Variants in SH3BP1 observed in about 807,000 individuals in gnomAD.
SH3BP1 encodes SH3 domain binding protein 1, also known as SH3 domain-binding protein 1.
In SH3BP1, 46 loss-of-function variants were observed where a neutral mutation model predicts 69.8. The observed-to-expected ratio is 0.66, with a 90% CI of 0.52 to 0.84. The LOEUF (loss-of-function observed/expected upper bound fraction) is 0.84. SH3BP1 is among the 40% of genes least tolerant of loss of function. The pLI is 0.00. For missense variants in SH3BP1, 868 were observed against 930.9 expected, an observed-to-expected ratio of 0.93 and a Z score of 0.88; for synonymous variants, 403 against 378.0, an observed-to-expected ratio of 1.07 and a Z score of -0.77.
At position 37,655,486 on chromosome 22, in the gene SH3BP1, G is replaced by A; in HGVS notation, c.1908G>A (p.Arg636=). 2.0e-6 allele frequency: 3 copies of A among 1,510,824 alleles called. No individual in the cohort carries two copies. The highest frequency in any genetic ancestry group is 1.8e-6 in the Non-Finnish European group (2 of 1,122,304). 93.6% of individuals were successfully genotyped at this position (1,510,824 alleles called of 1,614,324 possible). A position where few individuals can be genotyped will look rare whatever the true frequency, so the allele number is the denominator to read the frequency against. ...TPPQPARRQS[R]RSPASPSPAS... is the part of the protein sequence containing the mutation. The stretch of plus-strand genomic sequence containing the variant: ...CTCAGCCTGCCCGGCGCCAAAGCCG[G>A]CGTTCACCAGCCTCCCCCAGCCCGG... Residue 636 remains arginine, a synonymous_variant, in exon 18 of 18, where the codon CGG becomes CGA. Transcript: ENST00000649765.
intron 16 of SH3BP1, among the ~76,000 whole-genome samples, chr22:37,651,036 G>T (rs1393049393): frequency 2.0e-5 from 3 of 151,698 alleles, no homozygotes; most frequent in African/African-American, 4.8e-5. Flanking sequence ...TTCCAGTTTT[G>T]TTTTGTTTTT....
intron 1 of SH3BP1, among the ~76,000 whole-genome samples, chr22:37,640,094 C>G (rs954622567): frequency 6.6e-6 from 1 of 152,152 alleles, no homozygotes; most frequent in African/African-American, 2.4e-5. Context: ...GGGCTTCAGG[C>G]GGGAGAATGC....
chr22:37,650,899 T>G, intron 16 of SH3BP1, 174 bp downstream of exon 16: 1 of 795,642 alleles, frequency 1.3e-6, no homozygotes, highest in East Asian at 2.8e-5. Flanking sequence ...AGAGGCGGAA[T>G]TTGTCTCAGC....
At chr22:37,649,550 G>A (rs537016626) in intron 14 of SH3BP1, among the ~76,000 whole-genome samples, 202 of 152,192 alleles carry the variant, frequency 1.3e-3, no homozygotes, top group African/African-American at 4.4e-3. Context: ...TTGGGAGGCC[G>A]AGGTGGGTGG....
At chr22:37,642,644 C>G (rs1480607685) in intron 4 of SH3BP1, 29 bp downstream of exon 4, 2 of 1,612,904 alleles carry the variant, frequency 1.2e-6, no homozygotes, top group African/African-American at 1.3e-5. Flanking sequence ...CAGCCCTCAC[C>G]TGGGGATACC....
intron 10 of SH3BP1, among the ~76,000 whole-genome samples, chr22:37,646,173 G>A (rs1485510709): frequency 1.3e-4 from 19 of 151,764 alleles, no homozygotes; most frequent in Admixed American, 1.1e-3. Context: ...ATGTTGGCCA[G>A]GCTAGTCCTG....
Position 37,643,076 on chromosome 22 carries a change from A to AC in SH3BP1, c.397-15dup, listed in dbSNP as rs563200835. The stretch of plus-strand genomic sequence containing the variant: ...GGCTCCCTCCTCCCCCAGCACACTG[A>AC]CCCCCCCATGCCCATCCCCAGGAGG... On this transcript the variant is annotated intron_variant, in intron 5 of 17. Coordinates refer to ENST00000649765, the MANE Select transcript of SH3BP1 (RefSeq NM_018957.6). 214 of 1,435,990 alleles carry AC rather than the reference A, an allele frequency of 1.5e-4. 1 individual carries two copies. The highest frequency in any genetic ancestry group is 6.4e-4 in the South Asian group (56 of 87,042). 89.0% of individuals were successfully genotyped at this position (1,435,990 alleles called of 1,614,324 possible). A position where few individuals can be genotyped will look rare whatever the true frequency, so the allele number is the denominator to read the frequency against.
chr22:37,643,257 C>A, intron 6 of SH3BP1, 83 bp downstream of exon 6: 5 of 1,208,766 alleles, frequency 4.1e-6, no homozygotes, highest in Non-Finnish European at 6.0e-6. Flanking sequence ...CTGGCCACAC[C>A]AGGAGGATGC....
At chr22:37,644,834 C>T in intron 8 of SH3BP1, 36 bp from the exon 9 acceptor site, 1 of 1,611,496 alleles carries the variant, frequency 6.2e-7, no homozygotes. Context: ...CTCAGCTTCC[C>T]CCACTTCCGC....
intron 2 of SH3BP1, 40 bp from the exon 3 acceptor site, chr22:37,641,334 C>CA (rs1280697184): frequency 7.1e-6 from 11 of 1,543,814 alleles, no homozygotes; most frequent in Non-Finnish European, 9.6e-6. Context: ...CAGGGGGAGA[C>CA]AGCCTCTCTT....
chr22:37,648,778 AC>A (rs1221391539), intron 14 of SH3BP1: 1 of 193,096 alleles, frequency 5.2e-6, no homozygotes, highest in African/African-American at 2.5e-5. Context: ...ATCTCGGCTC[AC>A]TGCAACCTCC....
chr22:37,642,075 T>A, intron 3 of SH3BP1: 1 of 180,652 alleles, frequency 5.5e-6, no homozygotes, highest in Non-Finnish European at 1.2e-5. Flanking sequence ...GGGGTGGGAG[T>A]GTGGGGCCAT....
In SH3BP1 at chr22:37,641,394, G is replaced by A. The variant is rs74643192; in HGVS notation, c.123G>A (p.Pro41=). 4.3e-4 allele frequency: 668 copies of A among 1,550,866 alleles called. 6 individuals carry two copies. In the East Asian group the frequency reaches 0.01, roughly 24 times the overall value. The part of the protein sequence containing the change: ...DLLQVEQRLE[P]AKRAAHNIHK... ...CCCAGGTAGAACAGCGGCTGGAGCC[G>A]GCCAAGCGGGCAGCCCACAACATCC... Residue 41 remains proline, a synonymous_variant, in exon 3 of 18, where the codon CCG becomes CCA. Coordinates refer to ENST00000649765, the MANE Select transcript of SH3BP1 (RefSeq NM_018957.6).
At chr22:37,641,674 C>A (rs1242879805) in intron 3 of SH3BP1, among the ~76,000 whole-genome samples, 196 bp downstream of exon 3, 1 of 152,224 alleles carries the variant, frequency 6.6e-6, no homozygotes, top group Non-Finnish European at 1.5e-5. Flanking sequence ...CCCCACTTCC[C>A]TGTGCACCAG....
rs775201597 is a variant in SH3BP1, at chr22:37,643,101, G to T, written c.400G>T (p.Glu134Ter). ...ACCCCCCCATGCCCATCCCCAGGAG[G>T]AGCTGCCAGCCATCCTCAAACACAA... Reference protein sequence around the residue: ...LQPLSRLSEEELPAILKHKKS... With the variant: ...LQPLSRLSEE Residue 134 changes from glutamate (E) to a stop codon, truncating the protein, a stop_gained, in exon 6 of 18, where the codon GAG (glutamate) becomes TAG (stop). Coordinates refer to ENST00000649765, the MANE Select transcript of SH3BP1 (RefSeq NM_018957.6). LOFTEE classifies it high-confidence loss of function. 5 of 1,611,050 alleles carry T rather than the reference G, an allele frequency of 3.1e-6. No homozygotes were observed. The South Asian group carries it at 5.5e-5, about 18-fold the overall frequency.
intron 17 of SH3BP1, among the ~76,000 whole-genome samples, chr22:37,654,817 T>G (rs1946088603): frequency 2.6e-5 from 4 of 151,546 alleles, no homozygotes; most frequent in Admixed American, 6.6e-5. Context: ...AAAATAAAAA[T>G]GAACAAGATA....
chr22:37,654,913 C>G (rs1215242345), intron 17 of SH3BP1, among the ~76,000 whole-genome samples: 2 of 152,184 alleles, frequency 1.3e-5, no homozygotes, highest in Admixed American at 1.3e-4. Flanking sequence ...AGTTCAAGAC[C>G]AGCCTGGACA....
rs1459431191 is a variant in SH3BP1 at position 37,646,883 on chromosome 22, C to T, written c.990C>T (p.Asp330=). The part of the protein sequence containing the change: ...LKRLKQTMAS[D]PHSLEEFCSD... ...GTCTCAAGCAGACAATGGCCTCGGA[C>T]CCCCACAGCCTGGAGGAGTTCTGCT... The change falls in exon 11 of 18, where the codon GAC becomes GAT. Residue 330 remains aspartate (D), a synonymous_variant. Coordinates refer to ENST00000649765, the MANE Select transcript of SH3BP1 (RefSeq NM_018957.6). 6.4e-7 allele frequency: 1 copy of T among 1,563,554 alleles called. No individual in the cohort carries two copies. Among genetic ancestry groups the T allele is most frequent in the South Asian group, 1.2e-5 (1 of 85,472 alleles).
intron 14 of SH3BP1, chr22:37,648,743 G>T (rs1428234671): frequency 2.5e-5 from 6 of 236,948 alleles, no homozygotes; most frequent in Non-Finnish European, 3.9e-5. Context: ...TGCTCTTGTT[G>T]CCCAGGCTGG....
Sources: allele counts gnomAD v4.1 joint callset (sites outside exome capture counted in the v4.1 genomes callset), GRCh38; gene constraint gnomAD v4.1.1; transcripts MANE v1.5; gene names NCBI Gene and HGNC (gene_info 2026-07-23, HGNC 2026-07-21).